The following ADGRL1 variants were observed in gnomAD, a reference collection of about 807,000 sequenced individuals.
The protein encoded by ADGRL1 is adhesion G protein-coupled receptor L1.
A neutral mutation model predicts 148.9 loss-of-function variants in ADGRL1; 31 were observed. The ratio of observed to expected loss-of-function variants is 0.21; its 90% confidence interval spans 0.16 to 0.28. ADGRL1 has a LOEUF of 0.28. Ranked by LOEUF, ADGRL1 falls within the 10% of genes least tolerant of loss-of-function variation. The pLI is 1.00. For synonymous variants in ADGRL1, 937 were observed against 900.3 expected (o/e 1.04, Z -0.73); for missense variants, 1,521 against 2,058.8 (o/e 0.74, Z 5.05).
chr19:14,157,492 C>T lies in ADGRL1; in HGVS notation c.2536-32G>A, dbSNP rs775074909. 6.2e-7 allele frequency: 1 copy of T among 1,608,844 alleles called. No individual in the cohort carries two copies. Among genetic ancestry groups the T allele is most frequent in the African/African-American group, 1.3e-5 (1 of 74,838 alleles). The stretch of plus-strand genomic sequence containing the variant: ...ACAGGAACAGGGGGCACGCTCAGGG[C>T]CTTTGGTTTTGCACGCTGGGCTCAG... On this transcript the variant is annotated intron_variant, in intron 13 of 22. Coordinates refer to ENST00000361434, the MANE Select transcript of ADGRL1 (RefSeq NM_014921.5). This position sits in a 1 kb window ranked among gnomAD's most constrained non-coding sequence, Gnocchi z 7.5.
chr19:14,191,166 T>A, intron 1 of ADGRL1: 1 of 456,682 alleles, frequency 2.2e-6, no homozygotes, highest in Non-Finnish European at 4.4e-6. Context: ...GACTCCCGCC[T>A]TGTCTCCCTC....
chr19:14,198,794 C>A (rs1256539670), intron 1 of ADGRL1, among the ~76,000 whole-genome samples: 1 of 152,202 alleles, frequency 6.6e-6, no homozygotes, highest in Non-Finnish European at 1.5e-5. Context: ...CCCTCCTCCC[C>A]CTCCAGGTTG....
chr19:14,184,646 A>ATTTTATTT (rs1555790749), intron 1 of ADGRL1, among the ~76,000 whole-genome samples: 17 of 97,732 alleles, frequency 1.7e-4, no homozygotes, highest in South Asian at 3.5e-4. Context: ...TTATTTATTT[A>ATTTTATTT]TTTTTTTTTC....
At position 14,159,923 on chromosome 19, in the gene ADGRL1, C is replaced by G. The variant is rs1969168364; in HGVS notation, c.1801-150G>C. The G allele has an allele frequency of 3.0e-6, 3 of 998,812 alleles. No individual in the cohort carries two copies. Among genetic ancestry groups the G allele is most frequent in the Non-Finnish European group, 4.6e-6 (3 of 652,606 alleles). 61.9% of individuals were successfully genotyped at this position (998,812 alleles called of 1,614,324 possible). On this transcript the variant is annotated intron_variant, in intron 8 of 22. Coordinates refer to ENST00000361434, the MANE Select transcript of ADGRL1 (RefSeq NM_014921.5). The surrounding 1 kb of genome is among the most constrained non-coding windows in gnomAD (Gnocchi z 6.0). Reference sequence around the variant, plus strand: ...AAGACATTCCTCAGGGATCCCCAACCCCCAGGACCATCCGGGGCAGCACAG... The same window carrying G: ...AAGACATTCCTCAGGGATCCCCAACGCCCAGGACCATCCGGGGCAGCACAG...
intron 4 of ADGRL1, 111 bp downstream of exon 4, chr19:14,170,571 C>T: frequency 1.5e-6 from 1 of 653,996 alleles, no homozygotes; most frequent in South Asian, 1.8e-5. Flanking sequence ...GCTGTCCCCA[C>T]TGTGCCCAGG....
chr19:14,152,664 G>A lies in ADGRL1; in HGVS notation c.3424-51C>T. The A allele has an allele frequency of 6.2e-7, 1 of 1,603,480 alleles. No individual in the cohort carries two copies. Among genetic ancestry groups the A allele is most frequent in the Non-Finnish European group, 8.5e-7 (1 of 1,171,100 alleles). The stretch of plus-strand genomic sequence containing the variant: ...GGATCCTTGGGCCACCCACCCTCTG[G>A]CGTCTTTCTGAGACTGCTCACCTGA... On this transcript the variant is annotated intron_variant, in intron 19 of 22. Coordinates refer to ENST00000361434, the MANE Select transcript of ADGRL1 (RefSeq NM_014921.5). The surrounding 1 kb of genome is among the most constrained non-coding windows in gnomAD (Gnocchi z 6.1).
At chr19:14,180,566 T>C (rs960846181) in intron 2 of ADGRL1, among the ~76,000 whole-genome samples, 2 of 151,684 alleles carry the variant, frequency 1.3e-5, no homozygotes, top group African/African-American at 2.4e-5. Flanking sequence ...TGTTTGTTTT[T>C]TCAGACAGGG....
chr19:14,158,998 G>A (rs1436379332), intron 11 of ADGRL1, 92 bp downstream of exon 11: 2 of 1,497,212 alleles, frequency 1.3e-6, no homozygotes, highest in Non-Finnish European at 9.2e-7. Flanking sequence ...CAGCACCGCT[G>A]CCCTCTACAA....
In ADGRL1 at chr19:14,161,907, G is replaced by A. The variant is rs1299044814; in HGVS notation, c.1196-281C>T. ...GGTCAGGGGAGAGGCAGGGACAGAG[G>A]TGTCTGGGGGACAGGAATCCTCCCA... On this transcript the variant is annotated intron_variant, in intron 5 of 22. Transcript: ENST00000361434. The surrounding 1 kb of genome is among the most constrained non-coding windows in gnomAD (Gnocchi z 4.4). 6.6e-6 allele frequency among the ~76,000 whole-genome samples: 1 copy of A among 152,122 alleles called. No individual in the cohort carries two copies. The highest frequency in any genetic ancestry group is 1.5e-5 in the Non-Finnish European group (1 of 68,008).
intron 3 of ADGRL1, chr19:14,171,398 C>G (rs143334539): frequency 6.5e-6 from 1 of 152,822 alleles, no homozygotes; most frequent in African/African-American, 2.4e-5. Flanking sequence ...TTTTCAGCCC[C>G]AGCACAGCAT....
chr19:14,175,652 GCA>G (rs1457567804), intron 3 of ADGRL1, among the ~76,000 whole-genome samples: 2 of 151,734 alleles, frequency 1.3e-5, no homozygotes, highest in Non-Finnish European at 2.9e-5. Context: ...ACACACATCT[GCA>G]CACACCTACA....
intron 1 of ADGRL1, chr19:14,191,036 C>G (rs1971899793): frequency 2.3e-6 from 1 of 433,034 alleles, no homozygotes; most frequent in Non-Finnish European, 4.7e-6. Flanking sequence ...TGCGGTGAGC[C>G]AAGATCACGC....
Position 14,155,224 on chromosome 19 carries a change from A to T in ADGRL1, c.3294+135T>A. On this transcript the variant is annotated intron_variant, in intron 18 of 22. Coordinates refer to ENST00000361434, the MANE Select transcript of ADGRL1 (RefSeq NM_014921.5). The surrounding 1 kb of genome is among the most constrained non-coding windows in gnomAD (Gnocchi z 5.0). ...TCCCCTCCCGGTGGACGCAGACCTGACCACAGAAGCCCTGCAGCACTCACT... is the reference window on the plus strand; with the variant it reads ...TCCCCTCCCGGTGGACGCAGACCTGTCCACAGAAGCCCTGCAGCACTCACT... 9.7e-7 allele frequency: 1 copy of T among 1,028,736 alleles called. No homozygotes were observed. Among genetic ancestry groups the T allele is most frequent in the Non-Finnish European group, 1.4e-6 (1 of 700,154 alleles). 63.7% of individuals were successfully genotyped at this position (1,028,736 alleles called of 1,614,324 possible). A position where few individuals can be genotyped will look rare whatever the true frequency, so the allele number is the denominator to read the frequency against.
In ADGRL1 at chr19:14,152,007, G is replaced by T. The variant is rs1200014810; in HGVS notation, c.3667+126C>A. On this transcript the variant is annotated intron_variant, in intron 22 of 22. Transcript: ENST00000361434. This position sits in a 1 kb window ranked among gnomAD's most constrained non-coding sequence, Gnocchi z 6.1. ...TCGGCTGCCAGAGGCTGTGTGTCGG[G>T]GGGTGGGGAAATGTGGGCATGGGGA... is the stretch of plus-strand genomic sequence containing the variant. 7.2e-5 allele frequency: 63 copies of T among 870,326 alleles called. No individual in the cohort carries two copies. The South Asian group carries it at 8.5e-4, about 12-fold the overall frequency. 53.9% of individuals were successfully genotyped at this position (870,326 alleles called of 1,614,324 possible).
intron 1 of ADGRL1, among the ~76,000 whole-genome samples, chr19:14,191,722 G>A (rs1257187662): frequency 6.6e-6 from 1 of 150,742 alleles, no homozygotes; most frequent in Non-Finnish European, 1.5e-5. Context: ...CTGAGACAAG[G>A]TCTGGCTCTC....
intron 18 of ADGRL1, among the ~76,000 whole-genome samples, chr19:14,154,425 ATTCCCTGCCCATG>A (rs1375325336): frequency 1.3e-5 from 2 of 152,174 alleles, no homozygotes; most frequent in African/African-American, 4.8e-5. Context: ...CAGTATCCCC[ATTCCCTGCCCATG>A]TTCCCCAGCT....
At chr19:14,201,994 A>G (rs1206772276) in intron 1 of ADGRL1, among the ~76,000 whole-genome samples, 1 of 152,126 alleles carries the variant, frequency 6.6e-6, no homozygotes, top group Non-Finnish European at 1.5e-5. Context: ...GTGGGGGAGA[A>G]AAAGCCTCGA....
At chr19:14,203,003 C>T (rs1972714892) in intron 1 of ADGRL1, among the ~76,000 whole-genome samples, 1 of 152,144 alleles carries the variant, frequency 6.6e-6, no homozygotes, top group Non-Finnish European at 1.5e-5. Context: ...ACCGGGACCC[C>T]CTCCATGTTT....
intron 3 of ADGRL1, among the ~76,000 whole-genome samples, chr19:14,176,494 T>C (rs1970836261): frequency 6.6e-6 from 1 of 152,184 alleles, no homozygotes; most frequent in Admixed American, 6.5e-5. Flanking sequence ...CCTGTGCTTC[T>C]ATCATCTGTG....
Sources: gnomAD v4.1 joint callset for allele counts (sites outside exome capture counted in the v4.1 genomes callset) on GRCh38, gnomAD v4.1.1 for gene constraint, Gnocchi (gnomAD v3.1) non-coding constraint, MANE v1.5 for transcripts, NCBI Gene and HGNC (gene_info 2026-07-23, HGNC 2026-07-21) for gene names.